The following PRKG1 variants were observed in gnomAD, a reference collection of about 807,000 sequenced individuals.
PRKG1 encodes cGMP-dependent protein kinase 1.
A neutral mutation model predicts 88.1 loss-of-function variants in PRKG1; 35 were observed. The ratio of observed to expected loss-of-function variants is 0.40; its 90% confidence interval spans 0.30 to 0.53. The LOEUF is 0.53. Ranked by LOEUF, PRKG1 falls within the 20% of genes least tolerant of loss-of-function variation. The pLI, the probability that PRKG1 is intolerant of heterozygous loss-of-function variation, is 0.59. For synonymous variants in PRKG1, 303 were observed against 292.5 expected, an observed-to-expected ratio of 1.04 and a Z score of -0.37; for missense variants, 540 against 839.8, an observed-to-expected ratio of 0.64 and a Z score of 4.41.
chr10:51,469,009 GATCTCTGAAAGCA>G (rs1434370101), intron 3 of PRKG1, among the ~76,000 whole-genome samples: 1 of 151,730 alleles, frequency 6.6e-6, no homozygotes, highest in Non-Finnish European at 1.5e-5. Context: ...GTTGATTCTT[GATCTCTGAAAGCA>G]TAGGACTCTT....
At chr10:51,559,677 A>G (rs1023191391) in intron 3 of PRKG1, among the ~76,000 whole-genome samples, 3 of 152,106 alleles carry the variant, frequency 2.0e-5, no homozygotes, top group Admixed American at 6.6e-5. Context: ...AAGGAATATT[A>G]TATTGTCCTT....
intron 2 of PRKG1, among the ~76,000 whole-genome samples, chr10:51,346,771 A>G (rs1480825837): frequency 1.3e-5 from 2 of 152,200 alleles, no homozygotes; most frequent in African/African-American, 2.4e-5. Flanking sequence ...AATACTTTCC[A>G]ATTATAATGA....
chr10:51,045,307 A>ATATTTATT (rs113146187), intron 1 of PRKG1, among the ~76,000 whole-genome samples: 4,860 of 150,942 alleles, frequency 0.032, 261 homozygotes, highest in African/African-American at 0.11. Context: ...ATAGAAAAAA[A>ATATTTATT]TATTTATTTA....
At chr10:51,520,825 G>A (rs1841717563) in intron 3 of PRKG1, among the ~76,000 whole-genome samples, 1 of 152,200 alleles carries the variant, frequency 6.6e-6, no homozygotes, top group Non-Finnish European at 1.5e-5. Flanking sequence ...AGAATTTTCT[G>A]TACATTGAAA....
chr10:52,248,154 G>A (rs1037066498), intron 9 of PRKG1, among the ~76,000 whole-genome samples: 1 of 152,186 alleles, frequency 6.6e-6, no homozygotes. Flanking sequence ...GGCGGGCCAG[G>A]TGTTCCTGGC....
chr10:51,417,432 C>T (rs77625011), intron 2 of PRKG1, among the ~76,000 whole-genome samples: 8 of 152,192 alleles, frequency 5.3e-5, no homozygotes, highest in East Asian at 1.9e-4. Context: ...TAATAATATG[C>T]GCAAGGGACA....
intron 5 of PRKG1, among the ~76,000 whole-genome samples, chr10:51,931,311 A>G (rs1250055182): frequency 1.3e-5 from 2 of 152,176 alleles, no homozygotes; most frequent in Non-Finnish European, 2.9e-5. Flanking sequence ...TCATGGGATG[A>G]TAATAAATAA....
intron 2 of PRKG1, among the ~76,000 whole-genome samples, chr10:51,310,150 A>G (rs1841146131): frequency 6.6e-6 from 1 of 152,176 alleles, no homozygotes; most frequent in African/African-American, 2.4e-5. Context: ...TATAATGTAC[A>G]TTGTTCAGGT....
intron 4 of PRKG1, among the ~76,000 whole-genome samples, chr10:51,870,046 C>A (rs1171624709): frequency 1.3e-5 from 2 of 152,108 alleles, no homozygotes; most frequent in Non-Finnish European, 2.9e-5. Flanking sequence ...TCATTGCATT[C>A]TCTTTCATAC....
intron 1 of PRKG1, among the ~76,000 whole-genome samples, chr10:51,009,121 A>G (rs2132722226): frequency 6.6e-6 from 1 of 152,262 alleles, no homozygotes; most frequent in East Asian, 1.9e-4. Context: ...CTTACCTGTA[A>G]TTTTAGAAGG....
intron 5 of PRKG1, among the ~76,000 whole-genome samples, chr10:51,962,561 G>A (rs754814582): frequency 6.6e-6 from 1 of 152,108 alleles, no homozygotes; most frequent in Admixed American, 6.6e-5. Flanking sequence ...ATTTGCAGCT[G>A]TGGTCATGGT....
chr10:51,017,722 T>C (rs1465160866), intron 1 of PRKG1, among the ~76,000 whole-genome samples: 1 of 152,072 alleles, frequency 6.6e-6, no homozygotes, highest in Non-Finnish European at 1.5e-5. Flanking sequence ...TTTTAAATCA[T>C]CATTTTTATA....
chr10:51,776,284 T>C (rs1031979339), intron 3 of PRKG1, among the ~76,000 whole-genome samples: 1 of 152,202 alleles, frequency 6.6e-6, no homozygotes, highest in Non-Finnish European at 1.5e-5. Flanking sequence ...TAATTCCACT[T>C]AGTGGTTGTG....
chr10:51,693,287 C>CAAAAAAAA (rs762828746), intron 3 of PRKG1, among the ~76,000 whole-genome samples: 11 of 70,590 alleles, frequency 1.6e-4, no homozygotes, highest in East Asian at 1.0e-3. Context: ...GACACCACCT[C>CAAAAAAAA]AAAAAAAAAA....
intron 3 of PRKG1, among the ~76,000 whole-genome samples, chr10:51,530,037 G>A (rs1316476923): frequency 6.6e-6 from 1 of 152,056 alleles, no homozygotes; most frequent in East Asian, 1.9e-4. Flanking sequence ...TGGCTATTCA[G>A]TTTGCATTAT....
chr10:50,996,940 G>A (rs186321565), intron 1 of PRKG1, among the ~76,000 whole-genome samples: 6 of 152,324 alleles, frequency 3.9e-5, no homozygotes, highest in Admixed American at 2.0e-4. Context: ...GGAAGGCTGA[G>A]GAAGGGAAAG....
chr10:52,278,034 G>A (rs1841915460), intron 12 of PRKG1, among the ~76,000 whole-genome samples: 1 of 152,030 alleles, frequency 6.6e-6, no homozygotes, highest in Non-Finnish European at 1.5e-5. Context: ...GCAACCTACA[G>A]AATGGGAGAA....
intron 5 of PRKG1, among the ~76,000 whole-genome samples, chr10:51,985,317 CTT>C (rs142449644): frequency 0.088 from 13,410 of 152,040 alleles, 1,726 homozygotes; most frequent in African/African-American, 0.28. Flanking sequence ...TATAGTGAAA[CTT>C]TTTTCAGCTG....
intron 2 of PRKG1, among the ~76,000 whole-genome samples, chr10:51,399,127 GTATACA>G (rs1169924648): frequency 2.0e-5 from 3 of 151,530 alleles, no homozygotes; most frequent in East Asian, 3.9e-4. Flanking sequence ...TAAGATATAT[GTATACA>G]TATACATGTA....
Sources: gnomAD v4.1 joint callset for allele counts (sites outside exome capture counted in the v4.1 genomes callset) on GRCh38, gnomAD v4.1.1 for gene constraint, MANE v1.5 for transcripts, NCBI Gene and HGNC (gene_info 2026-07-23, HGNC 2026-07-21) for gene names.